BRCA1: variants seen among roughly 807,000 people sequenced by gnomAD.
BRCA1 encodes the protein breast cancer type 1 susceptibility protein.
A neutral mutation model predicts 173.7 loss-of-function variants in BRCA1; 140 were observed. The ratio of observed to expected loss-of-function variants is 0.81; its 90% CI spans 0.70 to 0.93. The LOEUF is 0.93. Among genes scored for constraint, BRCA1 ranks in the 40% least tolerant of loss-of-function variants. The pLI, the probability that BRCA1 is intolerant of heterozygous loss-of-function variation, is 0.00. For synonymous variants in BRCA1, 662 were observed against 756.0 expected (o/e 0.88, Z 2.04); for missense variants, 1,983 against 2,172.5 (o/e 0.91, Z 1.73).
At chr17:43,150,251 G>A (rs887411146) in intron 1 of BRCA1, among the ~76,000 whole-genome samples, 5 of 151,868 alleles carry the variant, frequency 3.3e-5, no homozygotes, top group Non-Finnish European at 5.9e-5. Context: ...CTGGGACTAC[G>A]GGCTGTCACT....
intron 1 of BRCA1, chr17:43,139,999 G>C (rs1363027845): frequency 2.2e-6 from 1 of 460,418 alleles, no homozygotes; most frequent in Admixed American, 2.6e-5. Flanking sequence ...CTCATGAGGT[G>C]ACTCTTGGTG....
chr17:43,096,454 C>T (rs577992857), intron 8 of BRCA1, among the ~76,000 whole-genome samples: 69 of 150,528 alleles, frequency 4.6e-4, no homozygotes, highest in Non-Finnish European at 7.8e-4. Flanking sequence ...TACCTGTAGT[C>T]CCAGCTACTC....
chr17:43,138,323 C>A lies in BRCA1; in HGVS notation c.-19-14208G>T, dbSNP rs561184284. The A allele has an allele frequency of 4.3e-4, 171 of 401,348 alleles. 1 individual carries two copies. The highest frequency in any genetic ancestry group is 3.4e-3 in the African/African-American group (169 of 49,584). 24.9% of individuals were successfully genotyped at this position (401,348 alleles called of 1,614,324 possible). On this transcript the variant is annotated intron_variant, in intron 1 of 7. Coordinates refer to the BRCA1 transcript ENST00000634433. ...ACTATATGGCCTGCGGACCGCTCAG[C>A]TTTCATTCCAGTGAAAACATTCCAG...
At chr17:43,138,515 G>C (rs182646917) in intron 1 of BRCA1, 5 of 642,484 alleles carry the variant, frequency 7.8e-6, no homozygotes, top group African/African-American at 7.3e-5. Context: ...GCAAAGCCTC[G>C]GACACCCAAA....
At chr17:43,049,059 C>T (rs1567758798) in intron 21 of BRCA1, 62 bp downstream of exon 21, 1 of 1,515,790 alleles carries the variant, frequency 6.6e-7, no homozygotes. Flanking sequence ...TGACAGGTGC[C>T]AGTCTTGCTC....
upstream of BRCA1, among the ~76,000 whole-genome samples, chr17:43,126,205 C>G (rs1358895786): frequency 6.6e-6 from 1 of 152,188 alleles, no homozygotes; most frequent in East Asian, 1.9e-4. Context: ...ACCCCTCAGC[C>G]CCAGTGTTTG....
chr17:43,046,222 CTTTTTTTTTTTTT>C (rs71157698), intron 22 of BRCA1, among the ~76,000 whole-genome samples: 4 of 68,344 alleles, frequency 5.9e-5, no homozygotes, highest in Non-Finnish European at 7.7e-5. Flanking sequence ...TGCACCTGGC[CTTTTTTTTTTTTT>C]TTTTTTTTTT....
At chr17:43,062,602 ATT>A (rs869283374) in intron 18 of BRCA1, among the ~76,000 whole-genome samples, 1 of 146,376 alleles carries the variant, frequency 6.8e-6, no homozygotes, top group Non-Finnish European at 1.5e-5. Flanking sequence ...GCGCTGCAAA[ATT>A]TTTTTTTTTT....
At chr17:43,161,411 T>C (rs552940652) in intron 1 of BRCA1, 1 of 152,308 alleles carries the variant, frequency 6.6e-6, no homozygotes, top group East Asian at 1.9e-4. Flanking sequence ...ACGGGAAGCA[T>C]AGACAGGGAA....
At chr17:43,055,174 C>T (rs1231842604) in intron 19 of BRCA1, among the ~76,000 whole-genome samples, 1 of 152,224 alleles carries the variant, frequency 6.6e-6, no homozygotes, top group African/African-American at 2.4e-5. Context: ...TGAAATCTTG[C>T]AGACTTTCTC....
intron 7 of BRCA1, among the ~76,000 whole-genome samples, chr17:43,098,819 CTTT>C (rs1229817948): frequency 2.9e-5 from 4 of 138,762 alleles, no homozygotes; most frequent in Admixed American, 7.3e-5. Flanking sequence ...AGATTCAGCT[CTTT>C]TTTTTTTTTT....
rs80357136 is a variant in BRCA1 at position 43,092,128 on chromosome 17, G to A, written c.3403C>T (p.Gln1135Ter). The change falls in exon 10 of 23, where the codon CAG becomes TAG. Residue 1135 changes from glutamine to a stop codon, truncating the protein, a stop_gained. Transcript: ENST00000357654. LOFTEE classifies it high-confidence loss of function. ...SPYLISDNLEQPMGSSHASQV... is the reference protein window; with the variant it reads ...SPYLISDNLE ...GATGCATGACTACTTCCCATAGGCT[G>A]TTCTAAGTTATCTGAAATCAGATAT... 6.2e-7 allele frequency: 1 copy of A among 1,613,664 alleles called. No individual in the cohort carries two copies. The highest frequency in any genetic ancestry group is 1.1e-5 in the South Asian group (1 of 91,080).
intron 8 of BRCA1, among the ~76,000 whole-genome samples, chr17:43,096,175 A>C (rs2054127883): frequency 6.6e-6 from 1 of 151,806 alleles, no homozygotes; most frequent in African/African-American, 2.4e-5. Context: ...TCATGAGTTC[A>C]AGACCAGCCT....
chr17:43,145,268 C>A, intron 1 of BRCA1: 1 of 668,022 alleles, frequency 1.5e-6, no homozygotes, highest in Non-Finnish European at 2.8e-6. Context: ...ATACCATAGA[C>A]CATGTCTTAT....
intron 1 of BRCA1, among the ~76,000 whole-genome samples, chr17:43,143,113 A>T (rs907233365): frequency 2.0e-5 from 3 of 148,600 alleles, no homozygotes; most frequent in East Asian, 2.0e-4. Flanking sequence ...TATTTATTTT[A>T]TTTTTTTTGG....
chr17:43,131,154 C>A, intron 1 of BRCA1: 1 of 207,968 alleles, frequency 4.8e-6, no homozygotes, highest in Non-Finnish European at 1.1e-5. Context: ...CCAACTCATC[C>A]TTTGACTTCT....
intron 1 of BRCA1, chr17:43,164,282 A>G (rs1187611146): frequency 1.3e-5 from 2 of 152,238 alleles, no homozygotes; most frequent in Non-Finnish European, 2.9e-5. Flanking sequence ...CAACTACGGC[A>G]TAAAAACTCT....
At chr17:43,163,409 A>G (rs568771908) in intron 1 of BRCA1, 1 of 152,374 alleles carries the variant, frequency 6.6e-6, no homozygotes, top group Non-Finnish European at 1.5e-5. Context: ...TGGTTGTAAT[A>G]GATGTAGTTT....
At chr17:43,083,528 C>T (rs757636586) in intron 11 of BRCA1, among the ~76,000 whole-genome samples, 1 of 152,118 alleles carries the variant, frequency 6.6e-6, no homozygotes, top group Non-Finnish European at 1.5e-5. Context: ...GTTAATTAGA[C>T]AACTATTTAC....
Sources: gnomAD v4.1 joint callset for allele counts (sites outside exome capture counted in the v4.1 genomes callset) on GRCh38, gnomAD v4.1.1 for gene constraint, MANE v1.5 for transcripts, NCBI Gene and HGNC (gene_info 2026-07-23, HGNC 2026-07-21) for gene names.